ADCY8: variants seen among roughly 807,000 people sequenced by gnomAD.
ADCY8 encodes the protein adenylate cyclase type 8.
ADCY8 carries 51 observed loss-of-function variants against 119.7 expected under a neutral mutation model. That is an observed-to-expected ratio of 0.43 (90% CI 0.34 to 0.54). The LOEUF (loss-of-function observed/expected upper bound fraction) is 0.54, where lower values mean the gene tolerates loss of function less well. Ranked by LOEUF, ADCY8 falls within the 20% of genes least tolerant of loss-of-function variation. The pLI is 0.03. For missense variants in ADCY8, 1,383 were observed against 1,598.8 expected (o/e 0.87, Z 2.30); for synonymous variants, 665 against 651.0 (o/e 1.02, Z -0.33).
chr8:130,809,878 A>G (rs907842029), intron 14 of ADCY8, among the ~76,000 whole-genome samples: 5 of 152,362 alleles, frequency 3.3e-5, no homozygotes, highest in Non-Finnish European at 7.3e-5. Context: ...GGCCAGGGAC[A>G]TACACAAAAG....
chr8:130,936,005 C>T (rs375639160), intron 5 of ADCY8, among the ~76,000 whole-genome samples: 9 of 151,424 alleles, frequency 5.9e-5, no homozygotes, highest in Non-Finnish European at 1.2e-4. Context: ...AGCTTACAAA[C>T]AGCCCATGGT....
intron 1 of ADCY8, among the ~76,000 whole-genome samples, chr8:131,012,433 C>A (rs764629077): frequency 6.6e-6 from 1 of 152,166 alleles, no homozygotes; most frequent in Non-Finnish European, 1.5e-5. Flanking sequence ...TCCCACTAAT[C>A]TTCCTTTTTT....
chr8:130,920,017 C>T (rs1263006131), intron 5 of ADCY8, among the ~76,000 whole-genome samples: 1 of 151,964 alleles, frequency 6.6e-6, no homozygotes, highest in African/African-American at 2.4e-5. Context: ...GTGGCATTTG[C>T]CTATAATCCC....
intron 5 of ADCY8, among the ~76,000 whole-genome samples, chr8:130,911,379 G>T (rs1249615321): frequency 1.3e-5 from 2 of 151,986 alleles, no homozygotes; most frequent in Non-Finnish European, 2.9e-5. Flanking sequence ...ATTTATAAGG[G>T]CTTAAATCCA....
chr8:130,861,822 AT>A (rs1817939999), intron 9 of ADCY8, among the ~76,000 whole-genome samples: 1 of 150,170 alleles, frequency 6.7e-6, no homozygotes, highest in Non-Finnish European at 1.5e-5. Flanking sequence ...TTTTTGGGAG[AT>A]ATTCTTTATC....
chr8:130,801,213 C>A (rs1321227444), intron 14 of ADCY8, among the ~76,000 whole-genome samples: 1 of 152,126 alleles, frequency 6.6e-6, no homozygotes, highest in Non-Finnish European at 1.5e-5. Flanking sequence ...CTTTTCTTTT[C>A]TCCTCAATGG....
intron 13 of ADCY8, among the ~76,000 whole-genome samples, chr8:130,820,982 G>A (rs2130196795): frequency 6.6e-6 from 1 of 152,242 alleles, no homozygotes; most frequent in Middle Eastern, 3.4e-3. Context: ...TTAGAATCCA[G>A]GCTCAGCTGA....
intron 2 of ADCY8, among the ~76,000 whole-genome samples, chr8:130,956,440 C>G (rs1586604382): frequency 6.6e-6 from 1 of 152,300 alleles, no homozygotes; most frequent in African/African-American, 2.4e-5. Context: ...TGGACTCCTA[C>G]TCATCTTCAA....
intron 12 of ADCY8, among the ~76,000 whole-genome samples, chr8:130,823,827 C>T (rs984579738): frequency 6.6e-6 from 1 of 152,122 alleles, no homozygotes; most frequent in African/African-American, 2.4e-5. Flanking sequence ...CCTTTTACCC[C>T]ATACAAAAAA....
chr8:130,827,504 C>T (rs778771673), intron 12 of ADCY8, among the ~76,000 whole-genome samples: 13 of 152,234 alleles, frequency 8.5e-5, no homozygotes, highest in Non-Finnish European at 1.5e-4. Flanking sequence ...GACACCACCT[C>T]CTCAAACCTG....
chr8:130,930,234 T>C (rs1320552507), intron 5 of ADCY8, among the ~76,000 whole-genome samples: 3 of 152,222 alleles, frequency 2.0e-5, no homozygotes, highest in Non-Finnish European at 2.9e-5. Flanking sequence ...ACTAGTGTTA[T>C]ATTTGGATTC....
At chr8:131,007,979 A>G (rs532217057) in intron 1 of ADCY8, among the ~76,000 whole-genome samples, 24 of 152,312 alleles carry the variant, frequency 1.6e-4, no homozygotes, top group Admixed American at 1.5e-3. Context: ...CATTAAATTC[A>G]CATAGTCAGC....
intron 1 of ADCY8, among the ~76,000 whole-genome samples, chr8:131,023,842 G>T (rs1227179520): frequency 6.6e-6 from 1 of 152,152 alleles, no homozygotes; most frequent in Non-Finnish European, 1.5e-5. Flanking sequence ...GGCTAGTTGG[G>T]TCTTTTTTGT....
intron 14 of ADCY8, among the ~76,000 whole-genome samples, chr8:130,802,694 T>C (rs1265812107): frequency 1.3e-5 from 2 of 152,266 alleles, no homozygotes; most frequent in African/African-American, 4.8e-5. Flanking sequence ...TCTGATGCTG[T>C]AGGTGCTCTG....
intron 3 of ADCY8, among the ~76,000 whole-genome samples, chr8:130,948,910 C>T (rs896858194): frequency 1.3e-5 from 2 of 152,102 alleles, no homozygotes; most frequent in South Asian, 4.1e-4. Context: ...CCCGCCGCCC[C>T]GAGCTGAGTT....
chr8:130,815,821 C>T (rs1220101846), intron 13 of ADCY8, among the ~76,000 whole-genome samples: 1 of 152,186 alleles, frequency 6.6e-6, no homozygotes, highest in Admixed American at 6.5e-5. Context: ...ACATCAGTGA[C>T]CAGGCAGGGG....
At chr8:130,850,091 T>C (rs752385791) in intron 9 of ADCY8, among the ~76,000 whole-genome samples, 15 of 152,180 alleles carry the variant, frequency 9.9e-5, no homozygotes, top group Non-Finnish European at 5.9e-5. Flanking sequence ...ATTGCTGTCA[T>C]GGCAACACAC....
In ADCY8 at chr8:130,982,104, G is replaced by C. The variant is rs534875931; in HGVS notation, c.1110+8289C>G. ...ATGCAAATAATGCGCTAGGAAGATTGCAAAGAACCAGGCAGCCAGATGGAA... is the reference window on the plus strand; with the variant it reads ...ATGCAAATAATGCGCTAGGAAGATTCCAAAGAACCAGGCAGCCAGATGGAA... On this transcript the variant is annotated intron_variant, in intron 2 of 17. Coordinates refer to ENST00000286355, the MANE Select transcript of ADCY8 (RefSeq NM_001115.3). 5.3e-5 allele frequency among the ~76,000 whole-genome samples: 8 copies of C among 152,342 alleles called. No homozygotes were observed. The South Asian group carries it at 1.7e-3, about 32-fold the overall frequency.
intron 5 of ADCY8, among the ~76,000 whole-genome samples, chr8:130,932,435 G>A (rs1479753648): frequency 6.6e-6 from 1 of 152,158 alleles, no homozygotes; most frequent in East Asian, 1.9e-4. Flanking sequence ...GGGTTTTACT[G>A]TGGCAGGCCC....
Sources: allele counts gnomAD v4.1 joint callset (sites outside exome capture counted in the v4.1 genomes callset), GRCh38; gene constraint gnomAD v4.1.1; transcripts MANE v1.5; gene names NCBI Gene and HGNC (gene_info 2026-07-23, HGNC 2026-07-21).